The following CTIF variants were observed in gnomAD, a reference collection of about 807,000 sequenced individuals.
CTIF encodes the protein CBP80/20-dependent translation initiation factor.
Under a neutral mutation model 66.0 loss-of-function variants are expected in CTIF, and 21 were observed. That is an observed-to-expected ratio of 0.32 (90% confidence interval 0.23 to 0.46). The LOEUF is 0.46. Ranked by LOEUF, CTIF falls within the 20% of genes least tolerant of loss-of-function variation. The pLI is 1.00. For missense variants in CTIF, 739 were observed against 812.7 expected, an observed-to-expected ratio of 0.91 and a Z score of 1.10; for synonymous variants, 345 against 326.4, an observed-to-expected ratio of 1.06 and a Z score of -0.62.
intron 1 of CTIF, among the ~76,000 whole-genome samples, chr18:48,617,538 C>A (rs1206306520): frequency 6.6e-6 from 1 of 152,150 alleles, no homozygotes; most frequent in African/African-American, 2.4e-5. Flanking sequence ...GGGGCTGAAG[C>A]AGGGGATGAC....
chr18:48,619,427 G>T lies in CTIF; in HGVS notation c.-28-111G>T, dbSNP rs528420916. 8 of 679,598 alleles carry T rather than the reference G, an allele frequency of 1.2e-5. No homozygotes were observed. The East Asian group carries it at 2.5e-4, about 21-fold the overall frequency. The allele number at this position is 679,598 out of a possible 1,614,324, so 42.1% of individuals were successfully genotyped here. On this transcript the variant is annotated intron_variant, in intron 1 of 11. Coordinates refer to ENST00000256413, the MANE Select transcript of CTIF (RefSeq NM_014772.3). The stretch of plus-strand genomic sequence containing the variant: ...CTCAGGGTTGTTGGAAGAACAGAAC[G>T]CCATGATGGATAAGAAGATGCTTCC...
chr18:48,562,444 C>T (rs1255306766), intron 1 of CTIF, among the ~76,000 whole-genome samples: 1 of 152,246 alleles, frequency 6.6e-6, no homozygotes, highest in Non-Finnish European at 1.5e-5. Context: ...TATATAAAAA[C>T]TGGGTGGAGC....
At chr18:48,813,127 T>C (rs1452433087) in intron 9 of CTIF, among the ~76,000 whole-genome samples, 1 of 152,252 alleles carries the variant, frequency 6.6e-6, no homozygotes, top group Non-Finnish European at 1.5e-5. Context: ...TTCTATCCTT[T>C]ACTGCCTCCA....
At chr18:48,749,778 T>G (rs7236019) in intron 7 of CTIF, among the ~76,000 whole-genome samples, 86,338 of 152,106 alleles carry the variant, frequency 0.57, 24,731 homozygotes, top group East Asian at 0.75. Flanking sequence ...ATTTGAACTC[T>G]GGGGATCTGG....
intron 10 of CTIF, among the ~76,000 whole-genome samples, chr18:48,847,306 C>CAAAAAA (rs34326780): frequency 1.2e-5 from 1 of 83,882 alleles, no homozygotes; most frequent in African/African-American, 4.8e-5. Flanking sequence ...GACTCCGTCT[C>CAAAAAA]AAAAAAAAAA....
intron 3 of CTIF, among the ~76,000 whole-genome samples, chr18:48,661,376 G>C (rs1486490039): frequency 7.0e-6 from 1 of 143,862 alleles, no homozygotes; most frequent in Non-Finnish European, 1.5e-5. Context: ...GGAAGCAAGA[G>C]TTTTGTTTGC....
chr18:48,604,207 G>A (rs1368762847), intron 1 of CTIF, among the ~76,000 whole-genome samples: 1 of 101,754 alleles, frequency 9.8e-6, no homozygotes, highest in Non-Finnish European at 1.8e-5. Context: ...GACGGGTCTC[G>A]CTCTGTTCCC....
intron 10 of CTIF, among the ~76,000 whole-genome samples, chr18:48,820,723 C>T (rs887149620): frequency 1.2e-4 from 19 of 152,308 alleles, no homozygotes; most frequent in African/African-American, 4.1e-4. Flanking sequence ...CCATCCCCTG[C>T]GTCTGTACCC....
chr18:48,729,530 AG>A (rs2092418311), intron 7 of CTIF, among the ~76,000 whole-genome samples: 5 of 152,156 alleles, frequency 3.3e-5, no homozygotes, highest in Non-Finnish European at 7.4e-5. Context: ...GTAGGATGAG[AG>A]CTGGCGTCCC....
Position 48,623,856 on chromosome 18 carries a change from G to C in CTIF, c.180+4111G>C, listed in dbSNP as rs2090542367. 2.7e-5 allele frequency among the ~76,000 whole-genome samples: 4 copies of C among 148,398 alleles called. No homozygotes were observed. The South Asian group carries it at 9.1e-4, about 34-fold the overall frequency. ...ACTAGAAAGAAATGAAGGATGGATG[G>C]ATGGATGGATGGATGGATGGCTGGC... is the stretch of plus-strand genomic sequence containing the variant. On this transcript the variant is annotated intron_variant, in intron 2 of 11. Coordinates refer to ENST00000256413, the MANE Select transcript of CTIF (RefSeq NM_014772.3).
At chr18:48,689,120 G>A (rs1251455742) in intron 6 of CTIF, among the ~76,000 whole-genome samples, 1 of 152,240 alleles carries the variant, frequency 6.6e-6, no homozygotes, top group East Asian at 1.9e-4. Context: ...GAGGAGGACT[G>A]CCACAGCATC....
In CTIF at chr18:48,758,344, G is replaced by A. The variant is rs190509322; in HGVS notation, c.1010G>A (p.Arg337Gln). The change falls in exon 8 of 12, where the codon CGG (arginine) becomes CAG (glutamine). Residue 337 changes from arginine to glutamine, a missense_variant. This residue lies in a region of CTIF where 529 missense variants were observed against 520.3 expected (regional missense o/e 1.02). Coordinates refer to ENST00000256413, the MANE Select transcript of CTIF (RefSeq NM_014772.3). ...DSILPERIGERPKITLLQSSK... is the reference protein window; with the variant it reads ...DSILPERIGEQPKITLLQSSK... The stretch of plus-strand genomic sequence containing the variant: ...ATTCTTCCCGAGCGCATCGGGGAGC[G>A]GCCCAAAATTACCCTGCTCCAGTCT... 143 of 1,611,982 alleles carry A rather than the reference G, an allele frequency of 8.9e-5. No individual in the cohort carries two copies. The African/African-American group carries it at 1.3e-3, about 15-fold the overall frequency.
At chr18:48,806,180 AAAT>A (rs2146257318) in intron 9 of CTIF, among the ~76,000 whole-genome samples, 1 of 152,344 alleles carries the variant, frequency 6.6e-6, no homozygotes, top group East Asian at 1.9e-4. Context: ...GCCAAATAAA[AAAT>A]AAAGCACCTT....
At chr18:48,689,331 A>G (rs1053959012) in intron 6 of CTIF, among the ~76,000 whole-genome samples, 1 of 152,172 alleles carries the variant, frequency 6.6e-6, no homozygotes, top group Non-Finnish European at 1.5e-5. Flanking sequence ...ACTCAAATCT[A>G]TGAGGACAGA....
chr18:48,576,843 T>C (rs1297273738), intron 1 of CTIF, among the ~76,000 whole-genome samples: 1 of 152,254 alleles, frequency 6.6e-6, no homozygotes, highest in Non-Finnish European at 1.5e-5. Context: ...TTGTCTTTTG[T>C]GTGGTTTTGG....
intron 1 of CTIF, among the ~76,000 whole-genome samples, chr18:48,544,508 G>A (rs1568022028): frequency 6.6e-6 from 1 of 152,200 alleles, no homozygotes; most frequent in Admixed American, 6.5e-5. Flanking sequence ...GCTTCTTAAT[G>A]CCTACTGTTC....
intron 10 of CTIF, among the ~76,000 whole-genome samples, chr18:48,829,807 C>G (rs923931498): frequency 6.6e-6 from 1 of 152,252 alleles, no homozygotes; most frequent in Non-Finnish European, 1.5e-5. Flanking sequence ...CCAACCGACT[C>G]CAGCTCTCAG....
At chr18:48,644,532 C>T (rs1164107089) in intron 3 of CTIF, among the ~76,000 whole-genome samples, 1 of 152,228 alleles carries the variant, frequency 6.6e-6, no homozygotes, top group African/African-American at 2.4e-5. Context: ...CTGTCCTCAT[C>T]CTCAAAGTGC....
At chr18:48,795,611 T>C (rs2146177331) in intron 9 of CTIF, among the ~76,000 whole-genome samples, 1 of 152,324 alleles carries the variant, frequency 6.6e-6, no homozygotes, top group Middle Eastern at 3.4e-3. Context: ...CTCTTTCAGA[T>C]GGGTAGTCCT....
Sources: allele counts gnomAD v4.1 joint callset (sites outside exome capture counted in the v4.1 genomes callset), GRCh38; gene constraint gnomAD v4.1.1; regional missense constraint gnomAD v4.1.1; transcripts MANE v1.5; gene names NCBI Gene and HGNC (gene_info 2026-07-23, HGNC 2026-07-21).